CMSS1: variants seen among roughly 807,000 people sequenced by gnomAD.
CMSS1 encodes protein CMSS1.
CMSS1 carries 33 observed loss-of-function variants against 43.5 expected under a neutral mutation model. That is an observed-to-expected ratio of 0.76 (90% CI 0.57 to 1.01). The LOEUF is 1.01. Among genes scored for constraint, CMSS1 ranks in the 50% least tolerant of loss-of-function variants. CMSS1 has a pLI of 0.00. For missense variants in CMSS1, 313 were observed against 326.4 expected (o/e 0.96, Z 0.32); for synonymous variants, 115 against 117.2 (o/e 0.98, Z 0.12).
intron 1 of CMSS1, among the ~76,000 whole-genome samples, chr3:100,118,370 ATTAG>A (rs983684427): frequency 6.6e-6 from 1 of 152,090 alleles, no homozygotes; most frequent in African/African-American, 2.4e-5. Flanking sequence ...AATACAGAAA[ATTAG>A]TTATTTAAGA....
At chr3:99,832,640 C>T (rs1474226286) in intron 1 of CMSS1, among the ~76,000 whole-genome samples, 1 of 146,076 alleles carries the variant, frequency 6.8e-6, no homozygotes, top group African/African-American at 2.5e-5. Flanking sequence ...GTCAGGAGTT[C>T]GAGACCAGCC....
chr3:100,040,809 T>C (rs1216526183), intron 1 of CMSS1: 1 of 152,186 alleles, frequency 6.6e-6, no homozygotes, highest in African/African-American at 2.4e-5. Flanking sequence ...TTTTCTCAGG[T>C]TGTAGGATCA....
intron 1 of CMSS1, among the ~76,000 whole-genome samples, chr3:99,996,447 C>G (rs932074275): frequency 6.6e-6 from 1 of 152,178 alleles, no homozygotes; most frequent in African/African-American, 2.4e-5. Context: ...TCTGAGCCCT[C>G]CAAACTGTTC....
At chr3:99,906,977 T>C (rs918035278) in intron 1 of CMSS1, among the ~76,000 whole-genome samples, 1 of 152,132 alleles carries the variant, frequency 6.6e-6, no homozygotes, top group South Asian at 2.1e-4. Flanking sequence ...TAAGTTTATT[T>C]AAATAATATT....
intron 1 of CMSS1, among the ~76,000 whole-genome samples, chr3:100,036,817 C>T (rs1389077895): frequency 6.6e-6 from 1 of 152,162 alleles, no homozygotes; most frequent in Non-Finnish European, 1.5e-5. Flanking sequence ...AAGTTACCAT[C>T]ATCAATAGTA....
intron 1 of CMSS1, among the ~76,000 whole-genome samples, chr3:99,961,192 G>A (rs1004982677): frequency 6.6e-6 from 1 of 152,232 alleles, no homozygotes; most frequent in African/African-American, 2.4e-5. Flanking sequence ...CTTCCAGGAT[G>A]AGGGAGGTGG....
chr3:99,937,973 C>A (rs917466455), intron 1 of CMSS1, among the ~76,000 whole-genome samples: 1 of 152,150 alleles, frequency 6.6e-6, no homozygotes, highest in African/African-American at 2.4e-5. Flanking sequence ...AAGGTGGAGA[C>A]TCTCATAAGA....
intron 1 of CMSS1, chr3:100,115,108 G>A (rs949173540): frequency 3.6e-5 from 26 of 726,508 alleles, no homozygotes; most frequent in Non-Finnish European, 5.5e-5. Context: ...CTTTAAGTAG[G>A]ATCACTTGTT....
chr3:100,025,683 C>T (rs1460178273), intron 1 of CMSS1: 6 of 152,054 alleles, frequency 3.9e-5, no homozygotes, highest in African/African-American at 1.4e-4. Flanking sequence ...CCAGGTCGTC[C>T]ACAGAGACAT....
chr3:100,031,779 C>T (rs1296226789), intron 1 of CMSS1, among the ~76,000 whole-genome samples: 1 of 152,102 alleles, frequency 6.6e-6, no homozygotes, highest in Non-Finnish European at 1.5e-5. Context: ...GGGAAACACC[C>T]CACTAGGGCA....
At chr3:99,836,756 C>CACTATCCAGG (rs1382297841) in intron 1 of CMSS1, among the ~76,000 whole-genome samples, 1 of 152,200 alleles carries the variant, frequency 6.6e-6, no homozygotes, top group African/African-American at 2.4e-5. Flanking sequence ...GTGATTGAAC[C>CACTATCCAGG]ACTATCCAGG....
rs374665665 is a variant in CMSS1 at position 99,885,783 on chromosome 3, CAT to C, written c.64+67741_64+67742del. Among the ~76,000 whole-genome samples the C allele has an allele frequency of 1.1e-3, 175 of 152,326 alleles. No homozygotes were observed. The East Asian group carries it at 0.023, about 20-fold the overall frequency. ...CAAAAGACACACACACAAACACACA[CAT>C]GTACACACAGAGACTTGAAGGCTTT... On this transcript the variant is annotated intron_variant, in intron 1 of 9. Transcript: ENST00000421999.
chr3:100,154,063 T>C (rs961827129), intron 2 of CMSS1, among the ~76,000 whole-genome samples: 2 of 152,120 alleles, frequency 1.3e-5, no homozygotes, highest in Non-Finnish European at 2.9e-5. Context: ...TTGGCGAGGC[T>C]GATCTTGAAC....
intron 1 of CMSS1, among the ~76,000 whole-genome samples, chr3:99,899,194 G>A (rs554576041): frequency 2.6e-5 from 4 of 152,276 alleles, no homozygotes; most frequent in African/African-American, 9.6e-5. Context: ...TGTAGTTTCT[G>A]ATGTTCGTTG....
intron 1 of CMSS1, among the ~76,000 whole-genome samples, chr3:100,007,184 T>A (rs928931600): frequency 2.0e-5 from 3 of 152,238 alleles, no homozygotes; most frequent in African/African-American, 7.2e-5. Context: ...TTTTCTGCTC[T>A]TAAGGCTTTT....
At chr3:100,079,713 T>A (rs893811878) in intron 1 of CMSS1, among the ~76,000 whole-genome samples, 1 of 152,134 alleles carries the variant, frequency 6.6e-6, no homozygotes, top group Non-Finnish European at 1.5e-5. Flanking sequence ...ATTAGGTACC[T>A]GTATTCACAC....
chr3:100,111,030 A>G (rs888019916), intron 1 of CMSS1, among the ~76,000 whole-genome samples: 4 of 152,320 alleles, frequency 2.6e-5, no homozygotes, highest in Admixed American at 6.5e-5. Context: ...TTTCATTACA[A>G]TAATAGGAGT....
chr3:100,062,586 G>A (rs147569689), intron 1 of CMSS1, among the ~76,000 whole-genome samples: 2 of 152,204 alleles, frequency 1.3e-5, no homozygotes, highest in African/African-American at 4.8e-5. Context: ...TTTGTGTGTT[G>A]GCATATGCAT....
chr3:99,889,205 G>A (rs1210685154), intron 1 of CMSS1, among the ~76,000 whole-genome samples: 2 of 152,046 alleles, frequency 1.3e-5, no homozygotes, highest in African/African-American at 2.4e-5. Context: ...AGGATGTGCT[G>A]TACTCTCCCA....
Sources: allele counts gnomAD v4.1 joint callset (sites outside exome capture counted in the v4.1 genomes callset), GRCh38; gene constraint gnomAD v4.1.1; transcripts MANE v1.5; gene names NCBI Gene and HGNC (gene_info 2026-07-23, HGNC 2026-07-21).